Variants in CRAMP1 observed in about 807,000 individuals in gnomAD.
CRAMP1 encodes the protein protein cramped-like.
CRAMP1 carries 50 observed loss-of-function variants against 115.4 expected under a neutral mutation model. That is an observed-to-expected ratio of 0.43 (90% CI 0.35 to 0.55). CRAMP1 has a LOEUF of 0.55. Ranked by LOEUF, CRAMP1 falls within the 20% of genes least tolerant of loss-of-function variation. CRAMP1 has a pLI of 0.01. For synonymous variants in CRAMP1, 866 were observed against 745.4 expected (o/e 1.16, Z -2.64); for missense variants, 1,679 against 1,721.7 (o/e 0.98, Z 0.44).
chr16:1,667,266 G>A (rs2036883739), intron 16 of CRAMP1, 69 bp from the exon 17 acceptor site: 6 of 1,292,592 alleles, frequency 4.6e-6, no homozygotes, highest in Non-Finnish European at 5.6e-6. Flanking sequence ...CTGGAACTCT[G>A]TCGCGGGTGA....
intron 3 of CRAMP1, among the ~76,000 whole-genome samples, chr16:1,629,435 T>G (rs2036531561): frequency 1.3e-5 from 2 of 152,214 alleles, no homozygotes; most frequent in Admixed American, 6.5e-5. Context: ...GTATATCTGG[T>G]TCTTGACTCA....
chr16:1,670,946 C>T (rs1397694920), intron 20 of CRAMP1, 137 bp downstream of exon 20: 6 of 765,694 alleles, frequency 7.8e-6, no homozygotes, highest in East Asian at 5.4e-5. Flanking sequence ...CGTCCACACT[C>T]AGGTCCCTGA....
At chr16:1,673,825 C>T (rs2036943758) in intron 20 of CRAMP1, 56 bp from the exon 21 acceptor site, 2 of 1,570,788 alleles carry the variant, frequency 1.3e-6, no homozygotes, top group Non-Finnish European at 1.7e-6. Flanking sequence ...ACCCGCCCTC[C>T]ACTGAAGGGC....
At chr16:1,668,260 C>T in intron 18 of CRAMP1, 67 bp downstream of exon 18, 1 of 1,162,992 alleles carries the variant, frequency 8.6e-7, no homozygotes, top group Non-Finnish European at 1.3e-6. Flanking sequence ...CAATGTTTGC[C>T]ACACTTCCTG....
intron 6 of CRAMP1, among the ~76,000 whole-genome samples, chr16:1,649,680 G>A (rs1408764841): frequency 4.0e-5 from 6 of 151,712 alleles, no homozygotes; most frequent in South Asian, 2.1e-4. Flanking sequence ...TAGTAGAGAC[G>A]GGGTTTCACC....
chr16:1,643,753 C>T (rs2036652141), intron 6 of CRAMP1, among the ~76,000 whole-genome samples: 1 of 152,240 alleles, frequency 6.6e-6, no homozygotes, highest in Admixed American at 6.5e-5. Flanking sequence ...ATGCCATCTG[C>T]CACTCTGAGA....
intron 2 of CRAMP1, among the ~76,000 whole-genome samples, chr16:1,617,045 C>T (rs1200505014): frequency 2.0e-5 from 3 of 151,712 alleles, no homozygotes; most frequent in East Asian, 1.9e-4. Flanking sequence ...AGGATGGTCT[C>T]GATCTCCTGA....
rs1054629312 is a variant in CRAMP1 at position 1,655,343 on chromosome 16, C to G, written c.1119+43C>G. 6.6e-6 allele frequency: 10 copies of G among 1,508,406 alleles called. No homozygotes were observed. In the African/African-American group the frequency reaches 1.4e-4, roughly 21 times the overall value. The allele number at this position is 1,508,406 out of a possible 1,614,324, so 93.4% of individuals were successfully genotyped here. A position where few individuals can be genotyped will look rare whatever the true frequency, so the allele number is the denominator to read the frequency against. Reference sequence around the variant, plus strand: ...AAGCAAACCATCCAGGCTGCGCTGCCTCTGCTGCCCAGAGATGGACCACGC... The same window carrying G: ...AAGCAAACCATCCAGGCTGCGCTGCGTCTGCTGCCCAGAGATGGACCACGC... On this transcript the variant is annotated intron_variant, in intron 9 of 20. Transcript: ENST00000397412.
rs542613182 is a variant in CRAMP1 at position 1,630,599 on chromosome 16, G to T, written c.541-1613G>T. Reference sequence around the variant, plus strand: ...ACATGGCCCTGCCTGCTCATTTGCAGGCGGTATTCAGATTAACAAGGGTCC... The same window carrying T: ...ACATGGCCCTGCCTGCTCATTTGCATGCGGTATTCAGATTAACAAGGGTCC... On this transcript the variant is annotated intron_variant, in intron 3 of 20. Coordinates refer to ENST00000397412, the MANE Select transcript of CRAMP1 (RefSeq NM_020825.4). Among the ~76,000 whole-genome samples, 36 of 152,364 alleles carry T rather than the reference G, an allele frequency of 2.4e-4. No homozygotes were observed. The South Asian group carries it at 3.7e-3, about 16-fold the overall frequency.
At chr16:1,652,235 G>T (rs994478204) in intron 6 of CRAMP1, among the ~76,000 whole-genome samples, 10 of 152,204 alleles carry the variant, frequency 6.6e-5, no homozygotes, top group Non-Finnish European at 1.3e-4. Flanking sequence ...AGTCACCAAG[G>T]CAGGAGGGCA....
chr16:1,612,765 C>T (rs1277326657), intron 1 of CRAMP1, among the ~76,000 whole-genome samples, 108 bp downstream of exon 1: 2 of 152,028 alleles, frequency 1.3e-5, no homozygotes, highest in East Asian at 1.9e-4. Flanking sequence ...GCGCCCGGTA[C>T]AGCCACAACT....
In CRAMP1 at chr16:1,614,311, C is replaced by CCCGGGGCCGGGG. The variant is rs562220790; in HGVS notation, c.-1-310_-1-299dup. Among the ~76,000 whole-genome samples, 612 of 144,264 alleles carry CCCGGGGCCGGGG rather than the reference C, an allele frequency of 4.2e-3. 5 individuals are homozygous for CCCGGGGCCGGGG. Among genetic ancestry groups the CCCGGGGCCGGGG allele is most frequent in the African/African-American group, 0.01 (407 of 40,080 alleles). 94.6% of individuals were successfully genotyped at this position (144,264 alleles called of 152,430 possible). On this transcript the variant is annotated intron_variant, in intron 1 of 20. Coordinates refer to ENST00000397412, the MANE Select transcript of CRAMP1 (RefSeq NM_020825.4). This position sits in a 1 kb window ranked among gnomAD's most constrained non-coding sequence, Gnocchi z 4.4. ...CGCCCGCGCCGGGGCTCCCATAGACCCCGGGGCCGGGGCCGGGGCCGGGGC... is the reference window on the plus strand; with the variant it reads ...CGCCCGCGCCGGGGCTCCCATAGACCCCGGGGCCGGGGCCGGGGCCGGGGCCGGGGCCGGGGC...
In CRAMP1 at chr16:1,655,280, G is replaced by A. The variant is rs779955361; in HGVS notation, c.1099G>A (p.Ala367Thr). 18 of 1,613,978 alleles carry A rather than the reference G, an allele frequency of 1.1e-5. No homozygotes were observed. The Admixed American group carries it at 2.7e-4, about 24-fold the overall frequency. ...CATCGAATTCTTGAAGCAGAAGTGG[G>A]CGCTCCATGAGGTGCGAGTTGTATC... is the stretch of plus-strand genomic sequence containing the variant. ...SLIEFLKQKWALHEVRVRKTL... is the reference protein window; with the variant it reads ...SLIEFLKQKWTLHEVRVRKTL... The change falls in exon 9 of 21, where the codon GCG becomes ACG. Residue 367 changes from alanine to threonine, a missense_variant. By Grantham distance (58) the Ala-to-Thr change is moderately conservative (BLOSUM62 0). This residue lies in a region of CRAMP1 where 191 missense variants were observed against 236.2 expected (regional missense o/e 0.81). Transcript: ENST00000397412.
chr16:1,654,185 A>G (rs1032903482), intron 8 of CRAMP1, among the ~76,000 whole-genome samples: 11 of 150,944 alleles, frequency 7.3e-5, no homozygotes, highest in African/African-American at 2.7e-4. Flanking sequence ...TTCACATATC[A>G]TAAAATGAAC....
chr16:1,655,681 G>A (rs1432461988), intron 9 of CRAMP1, among the ~76,000 whole-genome samples, 196 bp from the exon 10 acceptor site: 1 of 152,346 alleles, frequency 6.6e-6, no homozygotes, highest in South Asian at 2.1e-4. Flanking sequence ...TGCGTGTCAG[G>A]TGTGAATTTC....
At position 1,675,360 on chromosome 16, in the gene CRAMP1, C is replaced by T. The variant is rs1171039917; in HGVS notation, c.*1315C>T. 3 of 152,490 alleles carry T rather than the reference C, an allele frequency of 2.0e-5. No individual in the cohort carries two copies. Among genetic ancestry groups the T allele is most frequent in the Non-Finnish European group, 2.9e-5 (2 of 68,242 alleles). 9.4% of individuals were successfully genotyped at this position (152,490 alleles called of 1,614,324 possible). A position where few individuals can be genotyped will look rare whatever the true frequency, so the allele number is the denominator to read the frequency against. On this transcript the variant is annotated 3_prime_UTR_variant, in exon 21 of 21. Coordinates refer to ENST00000397412, the MANE Select transcript of CRAMP1 (RefSeq NM_020825.4). ...GGTGTTGGGCAGGCCATGCCTGTGC[C>T]GCCATCTCTCCCTTCCTGCCTCATT...
chr16:1,668,088 G>A lies in CRAMP1; in HGVS notation c.3229G>A (p.Asp1077Asn), dbSNP rs986388090. 3 of 1,613,760 alleles carry A rather than the reference G, an allele frequency of 1.9e-6. No individual in the cohort carries two copies. Among genetic ancestry groups the A allele is most frequent in the Non-Finnish European group, 2.5e-6 (3 of 1,179,872 alleles). ...LSPPDVSALL[D>N]ISLPGPPEDA... Reference sequence around the variant, plus strand: ...TCCACCAGACGTCTCTGCTCTGCTCGACATCTCCCTGCCCGGCCCACCTGA... The same window carrying A: ...TCCACCAGACGTCTCTGCTCTGCTCAACATCTCCCTGCCCGGCCCACCTGA... Residue 1077 changes from aspartate to asparagine, a missense_variant, in exon 18 of 21, where the codon GAC (aspartate) becomes AAC (asparagine). Transcript: ENST00000397412.
At chr16:1,646,924 T>G in intron 6 of CRAMP1, 2 of 641,422 alleles carry the variant, frequency 3.1e-6, no homozygotes, top group East Asian at 5.6e-5. Flanking sequence ...TTGAGTGGCC[T>G]TTGCATCCTT....
intron 11 of CRAMP1, 56 bp downstream of exon 11, chr16:1,660,119 G>A: frequency 2.1e-6 from 3 of 1,405,534 alleles, no homozygotes; most frequent in Non-Finnish European, 2.8e-6. Context: ...GGCACCTCAG[G>A]CTTCAGGGGC....
Sources: gnomAD v4.1 joint callset for allele counts (sites outside exome capture counted in the v4.1 genomes callset) on GRCh38, gnomAD v4.1.1 for gene constraint, gnomAD v4.1.1 regional missense constraint, Gnocchi (gnomAD v3.1) non-coding constraint, MANE v1.5 for transcripts, NCBI Gene and HGNC (gene_info 2026-07-23, HGNC 2026-07-21) for gene names.